Variants in WDFY3 observed in about 807,000 individuals in gnomAD.
WDFY3 encodes the protein WD repeat and FYVE domain containing 3.
WDFY3 carries 66 observed loss-of-function variants against 409.6 expected under a neutral mutation model. The ratio of observed to expected loss-of-function variants is 0.16; its 90% CI spans 0.13 to 0.20. The LOEUF (loss-of-function observed/expected upper bound fraction) is 0.20. Among genes scored for constraint, WDFY3 ranks in the 10% least tolerant of loss-of-function variants. The probability of loss-of-function intolerance (pLI) is 1.00; values close to 1 mark genes in which losing one functional copy is unlikely to be tolerated. For synonymous variants in WDFY3, 1,521 were observed against 1,537.1 expected (o/e 0.99, Z 0.25); for missense variants, 3,031 against 4,298.1 (o/e 0.71, Z 8.24).
chr4:84,699,657 T>C (rs1442013321), intron 56 of WDFY3, among the ~76,000 whole-genome samples: 1 of 152,184 alleles, frequency 6.6e-6, no homozygotes, highest in African/African-American at 2.4e-5. Flanking sequence ...AACCATTTTA[T>C]GCTCCCACCA....
chr4:84,707,440 A>G (rs1444612594), intron 53 of WDFY3, among the ~76,000 whole-genome samples: 1 of 152,176 alleles, frequency 6.6e-6, no homozygotes, highest in East Asian at 1.9e-4. Context: ...CTGAGCAGAC[A>G]TGGACAGTAG....
intron 9 of WDFY3, among the ~76,000 whole-genome samples, chr4:84,828,218 C>A (rs1349938684): frequency 6.6e-6 from 1 of 152,034 alleles, no homozygotes; most frequent in Non-Finnish European, 1.5e-5. Context: ...TGGTGAGTAT[C>A]TTCTTCTTAA....
chr4:84,813,050 G>C (rs1017071015), intron 13 of WDFY3, among the ~76,000 whole-genome samples: 1 of 152,086 alleles, frequency 6.6e-6, no homozygotes, highest in Non-Finnish European at 1.5e-5. Flanking sequence ...GTCATGGAAT[G>C]TCAGGTTTGT....
chr4:84,953,379 T>C (rs1399612453), intron 1 of WDFY3, among the ~76,000 whole-genome samples: 1 of 152,088 alleles, frequency 6.6e-6, no homozygotes, highest in African/African-American at 2.4e-5. Flanking sequence ...TAACTGACAA[T>C]GTATTGTATT....
intron 2 of WDFY3, among the ~76,000 whole-genome samples, chr4:84,903,032 G>T (rs1285868802): frequency 6.6e-6 from 1 of 152,126 alleles, no homozygotes; most frequent in East Asian, 1.9e-4. Context: ...AAGTCACAAA[G>T]TGCTAAAATC....
At chr4:84,954,646 G>A (rs549549403) in intron 1 of WDFY3, among the ~76,000 whole-genome samples, 2 of 152,242 alleles carry the variant, frequency 1.3e-5, no homozygotes, top group East Asian at 3.9e-4. Context: ...TTAATTTTCT[G>A]ACATGTTTAC....
chr4:84,882,090 T>A (rs942090149), intron 3 of WDFY3, among the ~76,000 whole-genome samples: 2 of 152,162 alleles, frequency 1.3e-5, no homozygotes, highest in Admixed American at 6.5e-5. Context: ...TCTGTAAGAA[T>A]GCCTGTTATG....
intron 55 of WDFY3, among the ~76,000 whole-genome samples, chr4:84,702,788 G>A (rs962687242): frequency 6.6e-6 from 1 of 152,166 alleles, no homozygotes; most frequent in Non-Finnish European, 1.5e-5. Flanking sequence ...TTAAAGAGAG[G>A]ACAAGGCTGT....
intron 56 of WDFY3, among the ~76,000 whole-genome samples, chr4:84,697,115 C>A (rs1730275643): frequency 6.6e-6 from 1 of 152,170 alleles, no homozygotes; most frequent in African/African-American, 2.4e-5. Context: ...GAGTCTTGAG[C>A]GCAGGACTCC....
chr4:84,724,972 C>T (rs1260947816), intron 45 of WDFY3, among the ~76,000 whole-genome samples: 1 of 152,166 alleles, frequency 6.6e-6, no homozygotes, highest in Non-Finnish European at 1.5e-5. Flanking sequence ...TGTGAGGAGC[C>T]TGGAACTTCA....
At chr4:84,886,921 TCA>T (rs1764311883) in intron 3 of WDFY3, among the ~76,000 whole-genome samples, 1 of 152,190 alleles carries the variant, frequency 6.6e-6, no homozygotes, top group East Asian at 1.9e-4. Flanking sequence ...GCATAATCTC[TCA>T]GTCTTCTTAT....
intron 47 of WDFY3, among the ~76,000 whole-genome samples, chr4:84,719,943 A>C (rs1734570315): frequency 6.6e-6 from 1 of 152,212 alleles, no homozygotes; most frequent in South Asian, 2.1e-4. Flanking sequence ...TCAAATTTCT[A>C]GTGACTACTT....
Position 84,821,448 on chromosome 4 carries a change from A to G in WDFY3, c.1227T>C (p.Asn409=), listed in dbSNP as rs1451787647. Residue 409 remains asparagine (N), a synonymous_variant, in exon 11 of 68, where the codon AAT becomes AAC. Transcript: ENST00000295888. ...LAQIILDAIT[N]IYMADNANYF... ...AATTGGCATTGTCAGCCATGTAAAT[A>G]TTTGTGATAGCATCAAGGATGATTT... is the stretch of plus-strand genomic sequence containing the variant. The G allele has an allele frequency of 3.7e-6, 6 of 1,613,888 alleles. No homozygotes were observed. The highest frequency in any genetic ancestry group is 5.1e-6 in the Non-Finnish European group (6 of 1,179,860).
Position 84,750,406 on chromosome 4 carries a change from G to A in WDFY3, c.5973+1077C>T, listed in dbSNP as rs545124878. ...AATTGAGATACTTTCGCATGAATAA[G>A]ATAAACATGTGGTTTTCAGGTTTCT... On this transcript the variant is annotated intron_variant, in intron 36 of 67. Coordinates refer to ENST00000295888, the MANE Select transcript of WDFY3 (RefSeq NM_014991.6). Among the ~76,000 whole-genome samples, 261 of 151,992 alleles carry A rather than the reference G, an allele frequency of 1.7e-3. 1 individual carries two copies. The highest frequency in any genetic ancestry group is 5.7e-3 in the African/African-American group (236 of 41,458).
chr4:84,744,618 C>A (rs1283507453), intron 36 of WDFY3, among the ~76,000 whole-genome samples: 3 of 151,668 alleles, frequency 2.0e-5, no homozygotes, highest in East Asian at 3.9e-4. Flanking sequence ...CTTTGGGAGG[C>A]CGAGGCGGGC....
intron 3 of WDFY3, chr4:84,879,284 A>G (rs750859421): frequency 2.0e-5 from 3 of 152,172 alleles, no homozygotes; most frequent in Non-Finnish European, 4.4e-5. Context: ...TTTCTACTAC[A>G]TGGCTACCTA....
chr4:84,922,750 C>T (rs2150877680), intron 2 of WDFY3, among the ~76,000 whole-genome samples: 1 of 152,224 alleles, frequency 6.6e-6, no homozygotes, highest in East Asian at 1.9e-4. Context: ...ACCTCAGCCT[C>T]TTTGACTCAA....
Position 84,741,825 on chromosome 4 carries a change from C to A in WDFY3, c.6170G>T (p.Trp2057Leu). The A allele has an allele frequency of 6.2e-7, 1 of 1,613,000 alleles. No individual in the cohort carries two copies. The highest frequency in any genetic ancestry group is 1.7e-4 in the Middle Eastern group (1 of 6,054). Reference sequence around the variant, plus strand: ...AGATTCTTTGTTGAACATGCCTTGCCAAAGCTTGTCCACCACACGCTGTGT... The same window carrying A: ...AGATTCTTTGTTGAACATGCCTTGCAAAAGCTTGTCCACCACACGCTGTGT... ...YFTQRVVDKL[W>L]QGMFNKESKL... The change falls in exon 38 of 68, where the codon TGG becomes TTG. Residue 2057 changes from tryptophan (W) to leucine (L), a missense_variant. By Grantham distance (61) the Trp-to-Leu change is moderately conservative. Coordinates refer to ENST00000295888, the MANE Select transcript of WDFY3 (RefSeq NM_014991.6).
At chr4:84,751,401 T>C (rs1740492049) in intron 36 of WDFY3, 82 bp downstream of exon 36, 2 of 1,400,208 alleles carry the variant, frequency 1.4e-6, no homozygotes, top group East Asian at 4.6e-5. Flanking sequence ...TAGAAATCCT[T>C]GTTATAGAAC....
Sources: gnomAD v4.1 joint callset for allele counts (sites outside exome capture counted in the v4.1 genomes callset) on GRCh38, gnomAD v4.1.1 for gene constraint, MANE v1.5 for transcripts, NCBI Gene and HGNC (gene_info 2026-07-23, HGNC 2026-07-21) for gene names.